Variants in TSNARE1 observed in about 807,000 individuals in gnomAD.
The protein encoded by TSNARE1 is t-SNARE domain containing 1.
In TSNARE1, 49 loss-of-function variants were observed where a neutral mutation model predicts 62.0. The ratio of observed to expected loss-of-function variants is 0.79; its 90% CI spans 0.63 to 1.00. TSNARE1 has a LOEUF of 1.00. Ranked by LOEUF, TSNARE1 falls within the 50% of genes least tolerant of loss-of-function variation. The pLI, the probability that TSNARE1 is intolerant of heterozygous loss-of-function variation, is 0.00. For missense variants in TSNARE1, 755 were observed against 700.1 expected (o/e 1.08, Z -0.88); for synonymous variants, 328 against 294.4 (o/e 1.11, Z -1.17).
At chr8:142,267,318 G>A (rs1310770168) in intron 12 of TSNARE1, among the ~76,000 whole-genome samples, 1 of 152,174 alleles carries the variant, frequency 6.6e-6, no homozygotes, top group South Asian at 2.1e-4. Flanking sequence ...AGGATCCACA[G>A]GTGGACCTGG....
chr8:142,214,864 C>A (rs1050596802), intron 13 of TSNARE1, among the ~76,000 whole-genome samples: 2 of 152,196 alleles, frequency 1.3e-5, no homozygotes, highest in African/African-American at 4.8e-5. Flanking sequence ...TGGCGGCACC[C>A]TGATCTGGGA....
chr8:142,306,989 C>T (rs940343886), intron 9 of TSNARE1, among the ~76,000 whole-genome samples: 4 of 152,224 alleles, frequency 2.6e-5, no homozygotes, highest in Non-Finnish European at 4.4e-5. Flanking sequence ...AGAGGAGAAC[C>T]CAGTTCCAAC....
chr8:142,398,247 C>T (rs866308874), intron 1 of TSNARE1, among the ~76,000 whole-genome samples: 1 of 151,374 alleles, frequency 6.6e-6, no homozygotes, highest in East Asian at 1.9e-4. Context: ...CAAAGCGCAC[C>T]CCCAGCCCTG....
intron 1 of TSNARE1, among the ~76,000 whole-genome samples, chr8:142,387,374 G>A (rs1361966521): frequency 1.3e-5 from 2 of 151,920 alleles, no homozygotes; most frequent in Non-Finnish European, 2.9e-5. Flanking sequence ...TTAGAAAAAC[G>A]ATAAGATAAA....
intron 1 of TSNARE1, among the ~76,000 whole-genome samples, chr8:142,393,645 C>T (rs1173330696): frequency 1.3e-5 from 2 of 152,230 alleles, no homozygotes; most frequent in African/African-American, 4.8e-5. Flanking sequence ...TGGTCTGACT[C>T]CCCGAGCACC....
intron 9 of TSNARE1, among the ~76,000 whole-genome samples, chr8:142,307,192 C>G (rs1826837603): frequency 6.6e-6 from 1 of 152,240 alleles, no homozygotes; most frequent in Non-Finnish European, 1.5e-5. Context: ...ATGAATTCAG[C>G]TTGGACTCAG....
At chr8:142,260,035 C>T (rs1007434471) in intron 12 of TSNARE1, among the ~76,000 whole-genome samples, 28 of 151,820 alleles carry the variant, frequency 1.8e-4, no homozygotes, top group African/African-American at 4.8e-4. Flanking sequence ...TCCCCCAGCC[C>T]GCCTCTGCTT....
At chr8:142,345,934 G>T (rs375998950) in intron 2 of TSNARE1, 42 bp from the exon 3 acceptor site, 8 of 1,583,568 alleles carry the variant, frequency 5.1e-6, no homozygotes, top group South Asian at 1.1e-5. Context: ...CTCAGCTCAG[G>T]GCGCTCCTGG....
chr8:142,260,414 G>A (rs971921603), intron 12 of TSNARE1, among the ~76,000 whole-genome samples: 3 of 152,144 alleles, frequency 2.0e-5, no homozygotes, highest in Non-Finnish European at 2.9e-5. Flanking sequence ...CCACTCTCAA[G>A]GGACTCAGCC....
chr8:142,330,999 G>C (rs79411880), intron 5 of TSNARE1, 29 bp from the exon 6 acceptor site: 8 of 1,608,454 alleles, frequency 5.0e-6, no homozygotes, highest in Non-Finnish European at 6.8e-6. Flanking sequence ...ACAGGGTGAG[G>C]GCAGAAGGAG....
intron 3 of TSNARE1, among the ~76,000 whole-genome samples, chr8:142,345,081 C>T (rs1189036158): frequency 2.0e-5 from 3 of 152,238 alleles, no homozygotes; most frequent in South Asian, 2.1e-4. Context: ...CCATCCTGTG[C>T]CTCCACAGCC....
intron 2 of TSNARE1, among the ~76,000 whole-genome samples, chr8:142,350,598 T>C (rs1440648338): frequency 2.0e-5 from 3 of 148,884 alleles, no homozygotes; most frequent in Non-Finnish European, 4.4e-5. Context: ...AACACTGCAG[T>C]AGAGGTTCCA....
At chr8:142,286,903 C>G (rs924892379) in intron 10 of TSNARE1, among the ~76,000 whole-genome samples, 1 of 152,250 alleles carries the variant, frequency 6.6e-6, no homozygotes, top group African/African-American at 2.4e-5. Context: ...TTCCCAAGGG[C>G]TTCACAGGCA....
intron 4 of TSNARE1, among the ~76,000 whole-genome samples, chr8:142,333,701 T>A (rs1831368221): frequency 6.6e-6 from 1 of 152,134 alleles, no homozygotes; most frequent in Admixed American, 6.5e-5. Context: ...CCACGTATGC[T>A]CTGTGCACCC....
intron 1 of TSNARE1, among the ~76,000 whole-genome samples, chr8:142,396,156 T>A (rs549506865): frequency 3.9e-5 from 6 of 152,008 alleles, no homozygotes; most frequent in Non-Finnish European, 5.9e-5. Context: ...ACCCCTCCAA[T>A]GCCCAGCTTC....
At chr8:142,258,274 CATGCACACAA>C (rs1422515298) in intron 12 of TSNARE1, among the ~76,000 whole-genome samples, 6 of 152,160 alleles carry the variant, frequency 3.9e-5, no homozygotes, top group African/African-American at 1.4e-4. Context: ...ACACTGCACA[CATGCACACAA>C]ATGCACACAC....
chr8:142,343,857 G>C, intron 4 of TSNARE1, 109 bp downstream of exon 4: 1 of 1,044,818 alleles, frequency 9.6e-7, no homozygotes, highest in Non-Finnish European at 1.3e-6. Flanking sequence ...AGAGGAGGAG[G>C]AGGAAAGTCA....
At chr8:142,343,924 C>G in intron 4 of TSNARE1, 42 bp downstream of exon 4, 1 of 1,477,684 alleles carries the variant, frequency 6.8e-7, no homozygotes. Context: ...TCCTGCTGGA[C>G]AGAGTGGCAC....
At chr8:142,271,682 T>C in intron 12 of TSNARE1, 1 of 1,376,948 alleles carries the variant, frequency 7.3e-7, no homozygotes, top group Non-Finnish European at 9.4e-7. Context: ...GGTCTCGTCC[T>C]CCTCATCAGC....
Sources: allele counts gnomAD v4.1 joint callset (sites outside exome capture counted in the v4.1 genomes callset), GRCh38; gene constraint gnomAD v4.1.1; transcripts MANE v1.5; gene names NCBI Gene and HGNC (gene_info 2026-07-23, HGNC 2026-07-21).